Variants in SMARCA2 observed in about 807,000 individuals in gnomAD.
The protein encoded by SMARCA2 is SWI/SNF-related matrix-associated actin-dependent regulator of chromatin subfamily A member 2.
Under a neutral mutation model 199.8 loss-of-function variants are expected in SMARCA2, and 61 were observed. The ratio of observed to expected loss-of-function variants is 0.31; its 90% CI spans 0.25 to 0.38. SMARCA2 has a LOEUF of 0.38. SMARCA2 is among the 10% of genes least tolerant of loss of function. The pLI, the probability that SMARCA2 is intolerant of heterozygous loss-of-function variation, is 1.00. For synonymous variants in SMARCA2, 935 were observed against 732.0 expected (o/e 1.28, Z -4.48); for missense variants, 1,344 against 2,012.2 (o/e 0.67, Z 6.35).
Position 2,174,272 on chromosome 9 carries a change from G to A in SMARCA2, c.4253+3800G>A, listed in dbSNP as rs1443717382. On this transcript the variant is annotated intron_variant, in intron 29 of 33. Coordinates refer to ENST00000349721, the MANE Select transcript of SMARCA2 (RefSeq NM_003070.5). ...AAATAACAAAATGGATTTTCTTACA[G>A]GGCTGACACACTGTTTTCCAAACCA... 9.2e-5 allele frequency among the ~76,000 whole-genome samples: 14 copies of A among 152,260 alleles called. No homozygotes were observed. In the East Asian group the frequency reaches 2.5e-3, roughly 27 times the overall value.
chr9:2,154,112 T>G (rs1825216054), intron 27 of SMARCA2, among the ~76,000 whole-genome samples: 1 of 152,256 alleles, frequency 6.6e-6, no homozygotes, highest in South Asian at 2.1e-4. Flanking sequence ...CAAGATGCTA[T>G]ATCTCTCTGT....
chr9:2,058,222 AC>A (rs1484960545), intron 7 of SMARCA2, 68 bp from the exon 8 acceptor site: 4 of 1,381,272 alleles, frequency 2.9e-6, no homozygotes, highest in Non-Finnish European at 4.1e-6. Flanking sequence ...CTTGGACAAC[AC>A]TGATAGCTCA....
chr9:2,047,101 C>A, intron 4 of SMARCA2, 128 bp from the exon 5 acceptor site: 35 of 520,802 alleles, frequency 6.7e-5, no homozygotes, highest in Non-Finnish European at 7.8e-5. Context: ...TTTTTTCCTT[C>A]TCTTCCCTCA....
At chr9:2,165,333 A>T (rs1465257911) in intron 28 of SMARCA2, among the ~76,000 whole-genome samples, 2 of 152,192 alleles carry the variant, frequency 1.3e-5, no homozygotes, top group Non-Finnish European at 2.9e-5. Flanking sequence ...ATGTATCTTG[A>T]TATTTTCATA....
intron 7 of SMARCA2, 56 bp from the exon 8 acceptor site, chr9:2,058,235 A>G: frequency 4.8e-6 from 7 of 1,469,786 alleles, no homozygotes; most frequent in Non-Finnish European, 6.6e-6. Flanking sequence ...GATAGCTCAG[A>G]GGACACTGGT....
At chr9:2,034,059 A>G (rs1819201999) in intron 3 of SMARCA2, among the ~76,000 whole-genome samples, 1 of 152,104 alleles carries the variant, frequency 6.6e-6, no homozygotes. Flanking sequence ...ATCCTGGTCA[A>G]CATGGTGAAA....
In SMARCA2 at chr9:2,039,254, T is replaced by C. The variant is rs1182235962; in HGVS notation, c.356-212T>C. On this transcript the variant is annotated intron_variant, in intron 3 of 33. Transcript: ENST00000349721. The surrounding 1 kb of genome is among the most constrained non-coding windows in gnomAD (Gnocchi z 4.8). ...CCTGCTTTTTTTTTTTTTAACACTT[T>C]AAAGTGGCTACCAGAAAATTTTAAA... Among the ~76,000 whole-genome samples the C allele has an allele frequency of 1.3e-5, 2 of 152,056 alleles. No homozygotes were observed. Among genetic ancestry groups the C allele is most frequent in the Non-Finnish European group, 2.9e-5 (2 of 68,018 alleles).
intron 26 of SMARCA2, among the ~76,000 whole-genome samples, chr9:2,122,483 C>G (rs1317786822): frequency 6.6e-6 from 1 of 152,170 alleles, no homozygotes; most frequent in Non-Finnish European, 1.5e-5. Flanking sequence ...CAGGATTAAG[C>G]ATCGTGAGCT....
chr9:2,181,046 TAGTC>T (rs552044756), intron 29 of SMARCA2, among the ~76,000 whole-genome samples: 201 of 148,792 alleles, frequency 1.4e-3, no homozygotes, highest in Middle Eastern at 6.9e-3. Flanking sequence ...ACCAAGAAAA[TAGTC>T]AGCCAGTAGG....
At chr9:2,136,376 C>T (rs1019128401) in intron 27 of SMARCA2, among the ~76,000 whole-genome samples, 4 of 151,390 alleles carry the variant, frequency 2.6e-5, no homozygotes, top group Non-Finnish European at 2.9e-5. Context: ...TTGGTAGAGA[C>T]GGGGTTTTGC....
chr9:2,032,129 T>G lies in SMARCA2; in HGVS notation c.226-823T>G, dbSNP rs574092799. Among the ~76,000 whole-genome samples, 8 of 152,392 alleles carry G rather than the reference T, an allele frequency of 5.2e-5. No individual in the cohort carries two copies. The South Asian group carries it at 6.2e-4, about 12-fold the overall frequency. On this transcript the variant is annotated intron_variant, in intron 2 of 33. Transcript: ENST00000349721. ...ACTGCAAACACTCATACTTTCTTGC[T>G]TGAAGTCATTTGGTTTCTATAAACT...
Position 2,039,593 on chromosome 9 carries a change from G to A in SMARCA2, c.483G>A (p.Pro161=), listed in dbSNP as rs146359524. Residue 161 remains proline (P), a synonymous_variant, in exon 4 of 34, where the codon CCG becomes CCA. Transcript: ENST00000349721. This position sits in a 1 kb window ranked among gnomAD's most constrained non-coding sequence, Gnocchi z 4.8. The part of the protein sequence containing the change: ...SQPGALIPGD[P]QAMSQPNRGP... ...CGGGGGCCCTCATCCCAGGTGATCC[G>A]CAGGCCATGAGCCAGCCCAACAGAG... 1.7e-4 allele frequency: 281 copies of A among 1,614,128 alleles called. 2 individuals are homozygous for A. Among genetic ancestry groups the A allele is most frequent in the South Asian group, 1.6e-3 (150 of 91,080 alleles).
chr9:2,047,969 G>A (rs1263269849), intron 5 of SMARCA2: 2 of 152,172 alleles, frequency 1.3e-5, no homozygotes, highest in Non-Finnish European at 2.9e-5. Context: ...TAGTCCAGAA[G>A]CTTAATTTTT....
At chr9:2,027,298 C>G (rs1403347233) in intron 1 of SMARCA2, among the ~76,000 whole-genome samples, 1 of 151,824 alleles carries the variant, frequency 6.6e-6, no homozygotes, top group Non-Finnish European at 1.5e-5. Context: ...AAAAAATTAG[C>G]TTGGCACGGT....
chr9:2,192,931 G>A lies in SMARCA2; in HGVS notation c.*192G>A, dbSNP rs768360622. Reference sequence around the variant, plus strand: ...AAAACACACACATACACAAATATTTGTAACATATTGTGACCAAATGGGCCT... The same window carrying A: ...AAAACACACACATACACAAATATTTATAACATATTGTGACCAAATGGGCCT... On this transcript the variant is annotated 3_prime_UTR_variant, in exon 34 of 34. Transcript: ENST00000349721. 1 of 536,378 alleles carries A rather than the reference G, an allele frequency of 1.9e-6. No individual in the cohort carries two copies. The highest frequency in any genetic ancestry group is 3.3e-6 in the Non-Finnish European group (1 of 303,114). The allele number at this position is 536,378 out of a possible 1,614,324, so 33.2% of individuals were successfully genotyped here.
At chr9:2,109,528 C>T (rs1822898810) in intron 23 of SMARCA2, among the ~76,000 whole-genome samples, 1 of 152,096 alleles carries the variant, frequency 6.6e-6, no homozygotes, top group Admixed American at 6.5e-5. Context: ...CAAACCACCC[C>T]CAAGTATTTA....
intron 27 of SMARCA2, among the ~76,000 whole-genome samples, chr9:2,142,366 A>C (rs1430118465): frequency 2.6e-5 from 4 of 152,168 alleles, no homozygotes; most frequent in Non-Finnish European, 5.9e-5. Context: ...GGTTGTTTCA[A>C]AGTTAATTTT....
intron 28 of SMARCA2, among the ~76,000 whole-genome samples, chr9:2,166,942 T>C (rs188626440): frequency 7.4e-4 from 113 of 152,358 alleles, no homozygotes; most frequent in African/African-American, 2.6e-3. Context: ...GCCATGGCTT[T>C]TTCTAAGAGA....
At chr9:2,111,491 C>CAAAAAAAAAAAAAAA (rs148112929) in intron 24 of SMARCA2, among the ~76,000 whole-genome samples, 2 of 86,978 alleles carry the variant, frequency 2.3e-5, no homozygotes, top group African/African-American at 3.6e-5. Context: ...GACCGTGTCT[C>CAAAAAAAAAAAAAAA]AAAAAAAAAA....
Sources: gnomAD v4.1 joint callset for allele counts (sites outside exome capture counted in the v4.1 genomes callset) on GRCh38, gnomAD v4.1.1 for gene constraint, Gnocchi (gnomAD v3.1) non-coding constraint, MANE v1.5 for transcripts, NCBI Gene and HGNC (gene_info 2026-07-23, HGNC 2026-07-21) for gene names.